The following LELP1 variants were observed in gnomAD, a reference collection of about 807,000 sequenced individuals.
The protein encoded by LELP1 is late cornified envelope-like proline-rich protein 1.
Under a neutral mutation model 0.3 loss-of-function variants are expected in LELP1, and 1 was observed. The ratio of observed to expected loss-of-function variants is 2.87; its 90% CI spans 1.02 to 13.63. The LOEUF (loss-of-function observed/expected upper bound fraction) is 13.63, where lower values mean the gene tolerates loss of function less well. LELP1 is among the 30% of genes most tolerant of loss of function. The probability of loss-of-function intolerance (pLI) is 0.12; values close to 1 mark genes in which losing one functional copy is unlikely to be tolerated. For missense variants in LELP1, 122 were observed against 118.7 expected, an observed-to-expected ratio of 1.03 and a Z score of -0.13; for synonymous variants, 57 against 45.9, an observed-to-expected ratio of 1.24 and a Z score of -0.97.
rs749240533 is a variant in LELP1 at position 153,205,040 on chromosome 1, C to T, written c.*36C>T. ...GCACTACCCAACCCCACCACCACTG[C>T]CACCTCCACCATGTACAACGCTGTG... On this transcript the variant is annotated 3_prime_UTR_variant, in exon 2 of 2. Transcript: ENST00000368747. 1.3e-6 allele frequency: 2 copies of T among 1,491,140 alleles called. No homozygotes were observed. The highest frequency in any genetic ancestry group is 2.3e-5 in the South Asian group (2 of 87,262). The allele number at this position is 1,491,140 out of a possible 1,614,324, so 92.4% of individuals were successfully genotyped here.
rs754461347 is a variant in LELP1 at position 153,204,998 on chromosome 1, A to C, written c.291A>C (p.Pro97=). Residue 97 remains proline (P), a synonymous_variant, in exon 2 of 2, where the codon CCA becomes CCC. Transcript: ENST00000368747. ...PHACPPPCPP[P]E Reference sequence around the variant, plus strand: ...CTTGCCCACCTCCCTGCCCTCCCCCAGAGTGAGGCACTGTGGGCACTACCC... The same window carrying C: ...CTTGCCCACCTCCCTGCCCTCCCCCCGAGTGAGGCACTGTGGGCACTACCC... The C allele has an allele frequency of 6.2e-7, 1 of 1,611,120 alleles. No homozygotes were observed. The highest frequency in any genetic ancestry group is 1.3e-5 in the African/African-American group (1 of 74,758).
intron 1 of LELP1, among the ~76,000 whole-genome samples, chr1:153,204,302 A>G (rs1170286098): frequency 6.6e-6 from 1 of 152,182 alleles, no homozygotes; most frequent in Non-Finnish European, 1.5e-5. Flanking sequence ...GAATGCCTTG[A>G]GCAATCTGGT....
Position 153,205,015 on chromosome 1 carries a change from G to A in LELP1, c.*11G>A, listed in dbSNP as rs201640416. The A allele has an allele frequency of 1.9e-6, 3 of 1,603,882 alleles. No individual in the cohort carries two copies. Among genetic ancestry groups the A allele is most frequent in the Non-Finnish European group, 2.6e-6 (3 of 1,172,416 alleles). On this transcript the variant is annotated 3_prime_UTR_variant, in exon 2 of 2. Coordinates refer to ENST00000368747, the MANE Select transcript of LELP1 (RefSeq NM_001010857.3). ...CCTCCCCCAGAGTGAGGCACTGTGG[G>A]CACTACCCAACCCCACCACCACTGC...
At chr1:153,204,600 G>A (rs879771004) in intron 1 of LELP1, 87 bp from the exon 2 acceptor site, 6 of 964,420 alleles carry the variant, frequency 6.2e-6, no homozygotes, top group African/African-American at 4.9e-5. Flanking sequence ...TGCATCTCAG[G>A]GAAGACTTTC....
At chr1:153,204,504 T>G (rs1657709754) in intron 1 of LELP1, among the ~76,000 whole-genome samples, 183 bp from the exon 2 acceptor site, 1 of 152,004 alleles carries the variant, frequency 6.6e-6, no homozygotes, top group African/African-American at 2.4e-5. Flanking sequence ...GAAGCAGAGT[T>G]AAGGGTGGAG....
rs201640416 is a variant in LELP1, at chr1:153,205,015, G to T, written c.*11G>T. On this transcript the variant is annotated 3_prime_UTR_variant, in exon 2 of 2. Transcript: ENST00000368747. Reference sequence around the variant, plus strand: ...CCTCCCCCAGAGTGAGGCACTGTGGGCACTACCCAACCCCACCACCACTGC... The same window carrying T: ...CCTCCCCCAGAGTGAGGCACTGTGGTCACTACCCAACCCCACCACCACTGC... 1.2e-5 allele frequency: 19 copies of T among 1,604,002 alleles called. No homozygotes were observed. The East Asian group carries it at 4.0e-4, about 34-fold the overall frequency.
intron 1 of LELP1, among the ~76,000 whole-genome samples, chr1:153,204,000 G>T (rs774641308): frequency 6.6e-6 from 1 of 152,108 alleles, no homozygotes; most frequent in Non-Finnish European, 1.5e-5. Flanking sequence ...TTGGAATTTC[G>T]TGGTTCATCT....
At position 153,204,767 on chromosome 1, in the gene LELP1, T is replaced by C; in HGVS notation, c.60T>C (p.Asp20=). ...CCAAGACTGAGCCCAAGAACTGCGA[T>C]CCCAAGTGTGAACAAAAGTGTGAGT... ...NDPKTEPKNC[D]PKCEQKCESK... Residue 20 remains aspartate (D), a synonymous_variant, in exon 2 of 2, where the codon GAT becomes GAC. Coordinates refer to ENST00000368747, the MANE Select transcript of LELP1 (RefSeq NM_001010857.3). The C allele has an allele frequency of 6.2e-7, 1 of 1,614,044 alleles. No homozygotes were observed. The highest frequency in any genetic ancestry group is 8.5e-7 in the Non-Finnish European group (1 of 1,179,932).
chr1:153,204,301 G>C (rs985846523), intron 1 of LELP1, among the ~76,000 whole-genome samples: 16 of 152,118 alleles, frequency 1.1e-4, no homozygotes, highest in African/African-American at 3.1e-4. Context: ...TGAATGCCTT[G>C]AGCAATCTGG....
At position 153,204,844 on chromosome 1, in the gene LELP1, A is replaced by AAT; in HGVS notation, c.137_138insAT (p.Pro48AlafsTer82). 6.2e-7 allele frequency: 1 copy of AAT among 1,614,036 alleles called. No individual in the cohort carries two copies. On this transcript the variant is annotated frameshift_variant, in exon 2 of 2. Transcript: ENST00000368747. LOFTEE classifies it low-confidence loss of function (END_TRUNC). ...AAGCTGCTGCAACGCTGTTTCGAAA[A>AAT]GTGCCCATGGGAAAAGTGTCCAGCA...
Position 153,204,705 on chromosome 1 carries a change from A to G in LELP1, c.-3A>G, listed in dbSNP as rs770125205. On this transcript the variant is annotated 5_prime_UTR_variant, in exon 2 of 2. Coordinates refer to ENST00000368747, the MANE Select transcript of LELP1 (RefSeq NM_001010857.3). ...TTTGCAGGGCTCAGATAATCAAGAAACAATGTCGAGTGATGATAAAAGTAA... is the reference window on the plus strand; with the variant it reads ...TTTGCAGGGCTCAGATAATCAAGAAGCAATGTCGAGTGATGATAAAAGTAA... 6.2e-7 allele frequency: 1 copy of G among 1,612,728 alleles called. No individual in the cohort carries two copies. The highest frequency in any genetic ancestry group is 8.5e-7 in the Non-Finnish European group (1 of 1,178,878).
chr1:153,204,603 A>G, intron 1 of LELP1, 84 bp from the exon 2 acceptor site: 1 of 983,384 alleles, frequency 1.0e-6, no homozygotes, highest in Non-Finnish European at 1.6e-6. Context: ...ATCTCAGGGA[A>G]GACTTTCTTA....
rs1281759060 is a variant in LELP1 at position 153,204,652 on chromosome 1, C to T, written c.-21-35C>T. 1.3e-5 allele frequency: 19 copies of T among 1,451,426 alleles called. No homozygotes were observed. The East Asian group carries it at 4.3e-4, about 33-fold the overall frequency. The allele number at this position is 1,451,426 out of a possible 1,614,324, so 89.9% of individuals were successfully genotyped here. A position where few individuals can be genotyped will look rare whatever the true frequency, so the allele number is the denominator to read the frequency against. On this transcript the variant is annotated intron_variant, in intron 1 of 1. Transcript: ENST00000368747. ...GCTGTAAGAAGCCTGTAGGTATCCTCTCCCACCTACAATGCATCTCATATT... is the reference window on the plus strand; with the variant it reads ...GCTGTAAGAAGCCTGTAGGTATCCTTTCCCACCTACAATGCATCTCATATT...
chr1:153,204,776 T>G lies in LELP1; in HGVS notation c.69T>G (p.Cys23Trp). 1 of 1,614,066 alleles carries G rather than the reference T, an allele frequency of 6.2e-7. No individual in the cohort carries two copies. ...AGCCCAAGAACTGCGATCCCAAGTGTGAACAAAAGTGTGAGTCCAAATGCC... is the reference window on the plus strand; with the variant it reads ...AGCCCAAGAACTGCGATCCCAAGTGGGAACAAAAGTGTGAGTCCAAATGCC... ...KTEPKNCDPK[C>W]EQKCESKCQP... is the part of the protein sequence containing the mutation. The change falls in exon 2 of 2, where the codon TGT (cysteine) becomes TGG (tryptophan). Residue 23 changes from cysteine to tryptophan, a missense_variant. By Grantham distance (215) the Cys-to-Trp change is radical. Transcript: ENST00000368747.
In LELP1 at chr1:153,204,972, G is replaced by T. The variant is rs1329590457; in HGVS notation, c.265G>T (p.Ala89Ser). Residue 89 changes from alanine to serine, a missense_variant, in exon 2 of 2, where the codon GCT (alanine) becomes TCT (serine). By Grantham distance (99) the Ala-to-Ser change is moderately conservative. Coordinates refer to ENST00000368747, the MANE Select transcript of LELP1 (RefSeq NM_001010857.3). ...PPKCPSSCPH[A>S]CPPPCPPPE ...TAAATGCCCTTCATCCTGCCCACAT[G>T]CTTGCCCACCTCCCTGCCCTCCCCC... is the stretch of plus-strand genomic sequence containing the variant. The T allele has an allele frequency of 6.2e-7, 1 of 1,613,504 alleles. No individual in the cohort carries two copies. The highest frequency in any genetic ancestry group is 8.5e-7 in the Non-Finnish European group (1 of 1,179,704).
intron 1 of LELP1, among the ~76,000 whole-genome samples, chr1:153,203,790 T>C (rs1294347376): frequency 2.0e-5 from 3 of 152,210 alleles, no homozygotes; most frequent in African/African-American, 7.2e-5. Context: ...TATTTTTATA[T>C]TGTTAAAAGA....
At chr1:153,203,825 A>T (rs1306269966) in intron 1 of LELP1, among the ~76,000 whole-genome samples, 4 of 152,328 alleles carry the variant, frequency 2.6e-5, no homozygotes, top group Non-Finnish European at 2.9e-5. Flanking sequence ...AACCAATTAG[A>T]TCCAACTTGA....
intron 1 of LELP1, among the ~76,000 whole-genome samples, chr1:153,204,104 G>C (rs537559883): frequency 6.6e-6 from 1 of 152,288 alleles, no homozygotes; most frequent in African/African-American, 2.4e-5. Context: ...CCCACTCATG[G>C]CAGGGATTAA....
chr1:153,203,708 A>G (rs1374221084), intron 1 of LELP1, among the ~76,000 whole-genome samples, 177 bp downstream of exon 1: 1 of 152,214 alleles, frequency 6.6e-6, no homozygotes, highest in South Asian at 2.1e-4. Flanking sequence ...GAGTCTCAAC[A>G]ATTTTAGAGT....
Sources: gnomAD v4.1 joint callset for allele counts (sites outside exome capture counted in the v4.1 genomes callset) on GRCh38, gnomAD v4.1.1 for gene constraint, MANE v1.5 for transcripts, NCBI Gene and HGNC (gene_info 2026-07-23, HGNC 2026-07-21) for gene names.